Variants in ZDHHC11 observed in about 807,000 individuals in gnomAD.
ZDHHC11 encodes palmitoyltransferase ZDHHC11.
In ZDHHC11, 44 loss-of-function variants were observed where a neutral mutation model predicts 51.3. That is an observed-to-expected ratio of 0.86 (90% CI 0.67 to 1.10). The LOEUF is 1.10. Among genes scored for constraint, ZDHHC11 ranks in the 50% least tolerant of loss-of-function variants. The pLI is 0.00. For synonymous variants in ZDHHC11, 163 were observed against 222.0 expected, an observed-to-expected ratio of 0.73 and a Z score of 2.36; for missense variants, 400 against 537.7, an observed-to-expected ratio of 0.74 and a Z score of 2.53.
At chr5:801,202 G>A (rs751652680) in intron 11 of ZDHHC11, 38 bp from the exon 12 acceptor site, 64 of 1,606,430 alleles carry the variant, frequency 4.0e-5, no homozygotes, top group South Asian at 1.8e-4. Context: ...AACAGAGAAC[G>A]TATGATGTAA....
intron 7 of ZDHHC11, among the ~76,000 whole-genome samples, chr5:831,022 T>TG (rs1743005108): frequency 6.6e-6 from 1 of 150,568 alleles, no homozygotes; most frequent in Non-Finnish European, 1.5e-5. Flanking sequence ...ATCTACAAGA[T>TG]ATCATCAGAA....
intron 3 of ZDHHC11, among the ~76,000 whole-genome samples, chr5:846,552 G>T (rs1448178949): frequency 1.5e-5 from 2 of 137,446 alleles, no homozygotes; most frequent in African/African-American, 6.0e-5. Flanking sequence ...CGTCTCATCT[G>T]TGAGTCTCCA....
rs755187055 is a variant in ZDHHC11 at position 819,616 on chromosome 5, G to C, written c.1059-4C>G. 7 of 1,608,754 alleles carry C rather than the reference G, an allele frequency of 4.4e-6. 1 individual carries two copies. The highest frequency in any genetic ancestry group is 3.3e-5 in the Admixed American group (2 of 59,870). On this transcript the variant is annotated splice_polypyrimidine_tract_variant and splice_region_variant and intron_variant, in intron 9 of 12. Coordinates refer to ENST00000283441, the MANE Select transcript of ZDHHC11 (RefSeq NM_024786.3). Reference sequence around the variant, plus strand: ...CCGGGAGTTCCTGGCCTTGGCTCTGGTGGGGCAAACAGAAGGAAAGAAACA... The same window carrying C: ...CCGGGAGTTCCTGGCCTTGGCTCTGCTGGGGCAAACAGAAGGAAAGAAACA...
upstream of ZDHHC11, among the ~76,000 whole-genome samples, chr5:852,902 C>T (rs1024806131): frequency 1.8e-5 from 2 of 110,456 alleles, no homozygotes; most frequent in Non-Finnish European, 3.6e-5. Flanking sequence ...CAGTGAGCAG[C>T]GGGGACAGAC....
intron 1 of ZDHHC11, among the ~76,000 whole-genome samples, chr5:850,072 G>A (rs1746919908): frequency 6.6e-6 from 1 of 152,260 alleles, no homozygotes; most frequent in Admixed American, 6.5e-5. Context: ...GCAAAATGCT[G>A]CGCAGGGATT....
intron 10 of ZDHHC11, 46 bp downstream of exon 10, chr5:819,479 G>T (rs1314505193): frequency 1.3e-6 from 2 of 1,582,994 alleles, no homozygotes; most frequent in South Asian, 1.1e-5. Context: ...CACACATTCT[G>T]CACATGGCCC....
intron 6 of ZDHHC11, among the ~76,000 whole-genome samples, chr5:835,026 A>C (rs1385370919): frequency 1.3e-5 from 2 of 151,984 alleles, no homozygotes; most frequent in East Asian, 3.9e-4. Context: ...ATTTTGGTAA[A>C]GTCCAAACTA....
Position 803,487 on chromosome 5 carries a change from T to C in ZDHHC11, c.1182-2323A>G, listed in dbSNP as rs548327982. The stretch of plus-strand genomic sequence containing the variant: ...GGGCACAAACTGATGGTTCCAGCCT[T>C]TAACAAGAGAAAATCCACAGTCCCA... On this transcript the variant is annotated intron_variant, in intron 11 of 12. Coordinates refer to ENST00000283441, the MANE Select transcript of ZDHHC11 (RefSeq NM_024786.3). 8.7e-3 allele frequency among the ~76,000 whole-genome samples: 1,320 copies of C among 151,418 alleles called. 57 individuals are homozygous for C. Among genetic ancestry groups the C allele is most frequent in the African/African-American group, 0.03 (1,241 of 41,234 alleles).
intron 5 of ZDHHC11, among the ~76,000 whole-genome samples, chr5:838,955 G>C (rs1347860614): frequency 2.0e-5 from 3 of 146,586 alleles, no homozygotes; most frequent in Non-Finnish European, 4.5e-5. Context: ...TTACTGGGCA[G>C]TTTGAGCATC....
chr5:853,216 G>A (rs1747560684), upstream of ZDHHC11, among the ~76,000 whole-genome samples: 1 of 135,976 alleles, frequency 7.4e-6, no homozygotes, highest in Non-Finnish European at 1.6e-5. Flanking sequence ...ACAGAGGACA[G>A]CGAGCCGGGG....
At chr5:797,767 C>T (rs556980659) in intron 12 of ZDHHC11, among the ~76,000 whole-genome samples, 54 of 151,640 alleles carry the variant, frequency 3.6e-4, no homozygotes, top group African/African-American at 1.2e-3. Flanking sequence ...TTTTCTGCTG[C>T]TTCTCACTCA....
At chr5:824,986 C>T (rs1402836524) in intron 8 of ZDHHC11, among the ~76,000 whole-genome samples, 178 bp downstream of exon 8, 2 of 151,560 alleles carry the variant, frequency 1.3e-5, no homozygotes, top group Non-Finnish European at 3.0e-5. Flanking sequence ...AGCATTCCTG[C>T]CTCTCACTCC....
rs377495929 is a variant in ZDHHC11, at chr5:797,252, C to T, written c.*8-672G>A. On this transcript the variant is annotated intron_variant, in intron 12 of 12. Transcript: ENST00000283441. ...TATATATATATATATTCTTTGTTTA[C>T]GGCATTTATCAATTGAATTATGTTG... is the stretch of plus-strand genomic sequence containing the variant. Among the ~76,000 whole-genome samples, 30 of 151,354 alleles carry T rather than the reference C, an allele frequency of 2.0e-4. No individual in the cohort carries two copies. The East Asian group carries it at 3.3e-3, about 17-fold the overall frequency.
At chr5:831,813 A>G (rs555908555) in intron 7 of ZDHHC11, among the ~76,000 whole-genome samples, 6 of 150,558 alleles carry the variant, frequency 4.0e-5, no homozygotes, top group African/African-American at 1.5e-4. Context: ...GTTGGCATGG[A>G]TGTGGTGAAA....
intron 10 of ZDHHC11, chr5:816,873 G>A: frequency 2.2e-6 from 1 of 459,182 alleles, no homozygotes; most frequent in Admixed American, 2.7e-5. Context: ...CAAAGCAGCA[G>A]CGGGAAGCCA....
chr5:840,173 T>C (rs1269194571), intron 5 of ZDHHC11: 2 of 662,268 alleles, frequency 3.0e-6, no homozygotes, highest in Non-Finnish European at 5.5e-6. Context: ...CCTAATAGAT[T>C]CCATTCCATT....
At chr5:799,182 T>G (rs1407602499) in intron 12 of ZDHHC11, among the ~76,000 whole-genome samples, 1 of 151,538 alleles carries the variant, frequency 6.6e-6, no homozygotes, top group Non-Finnish European at 1.5e-5. Context: ...CTGAAGGGAG[T>G]GAGTTCATGC....
In ZDHHC11 at chr5:840,518, A is replaced by C; in HGVS notation, c.761T>G (p.Leu254Arg). The C allele has an allele frequency of 6.2e-7, 1 of 1,613,778 alleles. No individual in the cohort carries two copies. Among genetic ancestry groups the C allele is most frequent in the East Asian group, 2.2e-5 (1 of 44,894 alleles). Residue 254 changes from leucine to arginine, a missense_variant, in exon 5 of 13, where the codon CTG becomes CGG. Leu to Arg is a moderately radical substitution (Grantham distance 102). Transcript: ENST00000283441. Reference protein sequence around the residue: ...DFLGLVHLGQLLIFHIYLKAK... With the variant: ...DFLGLVHLGQRLIFHIYLKAK... ...ACTCAGGTAGATGTGGAAGATGAGCAGCTGGCCCAGGTGCACCAAGCCAAG... is the reference window on the plus strand; with the variant it reads ...ACTCAGGTAGATGTGGAAGATGAGCCGCTGGCCCAGGTGCACCAAGCCAAG...
chr5:850,643 T>G lies in ZDHHC11; in HGVS notation c.-41A>C, dbSNP rs775239857. 71 of 1,598,190 alleles carry G rather than the reference T, an allele frequency of 4.4e-5. No homozygotes were observed. The highest frequency in any genetic ancestry group is 5.4e-5 in the Non-Finnish European group (64 of 1,175,666). On this transcript the variant is annotated 5_prime_UTR_variant, in exon 1 of 13. Transcript: ENST00000283441. ...GGGGAGGACCTGCGCCGTCAGATCCTGGGAGGGCCGGCCCCGCCCACTGTC... is the reference window on the plus strand; with the variant it reads ...GGGGAGGACCTGCGCCGTCAGATCCGGGGAGGGCCGGCCCCGCCCACTGTC...
Sources: allele counts gnomAD v4.1 joint callset (sites outside exome capture counted in the v4.1 genomes callset), GRCh38; gene constraint gnomAD v4.1.1; transcripts MANE v1.5; gene names NCBI Gene and HGNC (gene_info 2026-07-23, HGNC 2026-07-21).